Variants in TFB1M observed in about 807,000 individuals in gnomAD.
The protein encoded by TFB1M is dimethyladenosine transferase 1, mitochondrial.
TFB1M carries 27 observed loss-of-function variants against 31.1 expected under a neutral mutation model. The observed-to-expected ratio is 0.87, with a 90% CI of 0.64 to 1.20. The LOEUF (loss-of-function observed/expected upper bound fraction) is 1.20. Among genes scored for constraint, TFB1M ranks in the 50% most tolerant of loss-of-function variants. The pLI is 0.00. For synonymous variants in TFB1M, 166 were observed against 151.8 expected (o/e 1.09, Z -0.69); for missense variants, 394 against 418.7 (o/e 0.94, Z 0.51).
chr6:155,278,921 G>A (rs944848402), intron 5 of TFB1M, among the ~76,000 whole-genome samples: 6 of 152,158 alleles, frequency 3.9e-5, no homozygotes, highest in African/African-American at 1.4e-4. Context: ...GTCTAATCCA[G>A]TGGCTCTCCC....
At chr6:155,230,264 A>G in the TFB1M span, among the ~76,000 whole-genome samples, 3 of 152,202 alleles carry the variant, frequency 2.0e-5, no homozygotes, top group Non-Finnish European at 4.4e-5. Flanking sequence ...TGGTGTCCAC[A>G]GTTCCTAACT....
chr6:155,308,731 A>C (rs1315619354), intron 2 of TFB1M, among the ~76,000 whole-genome samples: 1 of 152,216 alleles, frequency 6.6e-6, no homozygotes, highest in African/African-American at 2.4e-5. Flanking sequence ...GTAGGAATTG[A>C]ATTAAGCTAC....
At position 155,298,131 on chromosome 6, in the gene TFB1M, A is replaced by C. The variant is rs138889411; in HGVS notation, c.394+346T>G. ...AAAAAGTTAAAACAATGGCTTGGGC[A>C]TGGCTTAGTTTACTAAAGCACTTCT... On this transcript the variant is annotated intron_variant, in intron 3 of 6. Transcript: ENST00000367166. 2.2e-4 allele frequency among the ~76,000 whole-genome samples: 33 copies of C among 152,380 alleles called. 1 individual carries two copies. The highest frequency in any genetic ancestry group is 7.5e-4 in the African/African-American group (31 of 41,594).
intron 5 of TFB1M, among the ~76,000 whole-genome samples, chr6:155,283,826 AGCT>A (rs1776499544): frequency 6.6e-6 from 1 of 152,244 alleles, no homozygotes; most frequent in Admixed American, 6.5e-5. Context: ...GAAGAAATCA[AGCT>A]ACATGGTCAC....
chr6:155,308,132 C>T (rs1311238279), intron 2 of TFB1M, among the ~76,000 whole-genome samples: 1 of 152,144 alleles, frequency 6.6e-6, no homozygotes, highest in Non-Finnish European at 1.5e-5. Flanking sequence ...CTCCACAGCA[C>T]AGAGAATCCA....
rs1778140505 is a variant in TFB1M, at chr6:155,314,099, T to C, written c.133+197A>G. The C allele has an allele frequency of 4.1e-6, 6 of 1,460,606 alleles. No individual in the cohort carries two copies. The South Asian group carries it at 6.9e-5, about 17-fold the overall frequency. The allele number at this position is 1,460,606 out of a possible 1,614,324, so 90.5% of individuals were successfully genotyped here. ...CTACACCCCCCCGAACGCGGAGTTT[T>C]GTGAGCAATCAACGCACTTCACGTG... On this transcript the variant is annotated intron_variant, in intron 1 of 6. Transcript: ENST00000367166.
At chr6:155,307,136 T>TACATACACACACACACAC (rs934986395) in intron 2 of TFB1M, among the ~76,000 whole-genome samples, 4 of 147,244 alleles carry the variant, frequency 2.7e-5, no homozygotes, top group African/African-American at 1.0e-4. Flanking sequence ...CTCAAACACA[T>TACATACACACACACACAC]ACACACACAC....
Position 155,314,452 on chromosome 6 carries a change from C to A in TFB1M, c.-24G>T, listed in dbSNP as rs140204163. ...ATGATACGCGGCAAGCACCATCCAA[C>A]CCTACCTCACCCAGGACCTTCACCG... On this transcript the variant is annotated 5_prime_UTR_variant, in exon 1 of 7. Transcript: ENST00000367166. 1,084 of 1,613,818 alleles carry A rather than the reference C, an allele frequency of 6.7e-4. 6 individuals are homozygous for A. The African/African-American group carries it at 0.013, about 20-fold the overall frequency.
At chr6:155,271,214 G>A (rs1784899767) in intron 5 of TFB1M, among the ~76,000 whole-genome samples, 1 of 152,084 alleles carries the variant, frequency 6.6e-6, no homozygotes, top group Non-Finnish European at 1.5e-5. Context: ...TCTTCTTTCT[G>A]TATAATGGCT....
At chr6:155,258,189 A>G (rs1198573870) in intron 6 of TFB1M, 107 bp from the exon 7 acceptor site, 1 of 1,356,952 alleles carries the variant, frequency 7.4e-7, no homozygotes, top group Non-Finnish European at 1.0e-6. Flanking sequence ...GTTGCTGGCT[A>G]CTGACAGCTG....
intron 5 of TFB1M, among the ~76,000 whole-genome samples, chr6:155,271,265 A>G (rs1045907556): frequency 2.3e-4 from 35 of 152,356 alleles, no homozygotes; most frequent in African/African-American, 8.4e-4. Flanking sequence ...CTGAGGAAGA[A>G]AAAAATGAGA....
At chr6:155,230,836 CTT>C in the TFB1M span, among the ~76,000 whole-genome samples, 8 of 140,966 alleles carry the variant, frequency 5.7e-5, no homozygotes, top group Non-Finnish European at 7.7e-5. Flanking sequence ...GGCAGAGCTA[CTT>C]TTTTTTTTTT....
intron 5 of TFB1M, among the ~76,000 whole-genome samples, chr6:155,261,618 G>A (rs1219687277): frequency 6.7e-6 from 1 of 149,724 alleles, no homozygotes; most frequent in East Asian, 1.9e-4. Context: ...GCTTGTGGGA[G>A]GTGCCTGTGG....
chr6:155,244,284 G>A, the TFB1M span, among the ~76,000 whole-genome samples: 1 of 152,202 alleles, frequency 6.6e-6, no homozygotes, highest in Non-Finnish European at 1.5e-5. Flanking sequence ...TGTTTACAAA[G>A]GCAGAGGGAC....
downstream of TFB1M, among the ~76,000 whole-genome samples, chr6:155,251,678 AAC>A (rs1173838384): frequency 1.3e-5 from 2 of 152,340 alleles, no homozygotes; most frequent in South Asian, 2.1e-4. Flanking sequence ...CACTGAGATG[AAC>A]ACAGTGTCCT....
chr6:155,295,429 T>A (rs1777124189), intron 4 of TFB1M, among the ~76,000 whole-genome samples: 2 of 151,888 alleles, frequency 1.3e-5, no homozygotes. Flanking sequence ...GTGATAAGAC[T>A]ATGCAAGGGA....
At chr6:155,302,437 T>C (rs1344433504) in intron 2 of TFB1M, among the ~76,000 whole-genome samples, 2 of 152,322 alleles carry the variant, frequency 1.3e-5, no homozygotes, top group East Asian at 3.9e-4. Flanking sequence ...CTGCTATTTA[T>C]TCATTAAAAA....
chr6:155,240,756 G>T, the TFB1M span: 1 of 1,566,286 alleles, frequency 6.4e-7, no homozygotes, highest in Non-Finnish European at 8.6e-7. Flanking sequence ...TTTGATGATG[G>T]CAAGTGGTAT....
the TFB1M span, among the ~76,000 whole-genome samples, chr6:155,238,637 C>G: frequency 6.6e-6 from 1 of 152,248 alleles, no homozygotes; most frequent in African/African-American, 2.4e-5. Flanking sequence ...GAGCAGGCTC[C>G]CTCCAGGACA....
Sources: allele counts gnomAD v4.1 joint callset (sites outside exome capture counted in the v4.1 genomes callset), GRCh38; gene constraint gnomAD v4.1.1; transcripts MANE v1.5; gene names NCBI Gene and HGNC (gene_info 2026-07-23, HGNC 2026-07-21).